Variants in SEMA3D observed in about 807,000 individuals in gnomAD.
SEMA3D encodes semaphorin 3D, also known as semaphorin-3D.
Under a neutral mutation model 100.1 loss-of-function variants are expected in SEMA3D, and 84 were observed. The observed-to-expected ratio is 0.84, with a 90% CI of 0.70 to 1.01. SEMA3D has a LOEUF of 1.01. SEMA3D is among the 50% of genes least tolerant of loss of function. The pLI, the probability that SEMA3D is intolerant of heterozygous loss-of-function variation, is 0.00. For missense variants in SEMA3D, 875 were observed against 934.1 expected (o/e 0.94, Z 0.82); for synonymous variants, 312 against 320.7 (o/e 0.97, Z 0.29).
chr7:85,183,443 C>T (rs191144084), intron 1 of SEMA3D, among the ~76,000 whole-genome samples: 5 of 152,212 alleles, frequency 3.3e-5, no homozygotes, highest in Admixed American at 1.3e-4. Context: ...ACCTGAAGTC[C>T]GGTCTGTTAG....
intron 2 of SEMA3D, chr7:85,151,728 T>A: frequency 1.0e-6 from 1 of 959,630 alleles, no homozygotes; most frequent in Non-Finnish European, 1.2e-6. Context: ...TTTGTGGTAA[T>A]ATTTTCTGTT....
At chr7:85,195,835 T>G in the SEMA3D span, among the ~76,000 whole-genome samples, 1 of 152,220 alleles carries the variant, frequency 6.6e-6, no homozygotes, top group African/African-American at 2.4e-5. Flanking sequence ...TTTGAGATAC[T>G]GCTAGGCATT....
intron 2 of SEMA3D, among the ~76,000 whole-genome samples, chr7:85,148,583 G>A (rs1790279527): frequency 1.3e-5 from 2 of 152,140 alleles, no homozygotes; most frequent in Non-Finnish European, 2.9e-5. Context: ...CGAAAAATTA[G>A]TTCAAACCTC....
At chr7:85,236,221 T>C in the SEMA3D span, among the ~76,000 whole-genome samples, 1 of 151,846 alleles carries the variant, frequency 6.6e-6, no homozygotes, top group Non-Finnish European at 1.5e-5. Flanking sequence ...TGTAGGTCAT[T>C]ATATTTATTA....
chr7:85,044,796 T>G (rs1790961340), intron 9 of SEMA3D, among the ~76,000 whole-genome samples: 1 of 152,072 alleles, frequency 6.6e-6, no homozygotes, highest in Non-Finnish European at 1.5e-5. Flanking sequence ...ATATTGTCAC[T>G]GACACTGTTT....
At chr7:85,143,765 A>C (rs1790122323) in intron 2 of SEMA3D, among the ~76,000 whole-genome samples, 1 of 150,626 alleles carries the variant, frequency 6.6e-6, no homozygotes, top group Non-Finnish European at 1.5e-5. Context: ...TCTATCACCC[A>C]GGCTGTAGTG....
intron 15 of SEMA3D, among the ~76,000 whole-genome samples, chr7:85,016,754 G>A (rs1008452472): frequency 2.1e-5 from 3 of 146,088 alleles, no homozygotes; most frequent in African/African-American, 7.6e-5. Context: ...AATCATAAAT[G>A]TATTTTTGTT....
chr7:85,056,911 A>ATATATG, intron 8 of SEMA3D, among the ~76,000 whole-genome samples: 1 of 147,582 alleles, frequency 6.8e-6, no homozygotes, highest in East Asian at 2.0e-4. Flanking sequence ...ATATATATAT[A>ATATATG]TATGTATAGC....
chr7:85,222,754 G>A, the SEMA3D span, among the ~76,000 whole-genome samples: 2 of 152,016 alleles, frequency 1.3e-5, no homozygotes, highest in African/African-American at 4.8e-5. Flanking sequence ...CCTCAGCCAG[G>A]ACCTAGGAGA....
intron 4 of SEMA3D, among the ~76,000 whole-genome samples, chr7:85,093,645 G>A (rs191782035): frequency 4.0e-5 from 6 of 151,856 alleles, no homozygotes; most frequent in Non-Finnish European, 1.5e-5. Flanking sequence ...TCTATTCCAC[G>A]CTAATTGATA....
intron 4 of SEMA3D, among the ~76,000 whole-genome samples, chr7:85,086,807 C>T (rs1274329937): frequency 6.6e-6 from 1 of 152,006 alleles, no homozygotes; most frequent in African/African-American, 2.4e-5. Context: ...GAAGTTCCAG[C>T]ATTGTTGTAC....
chr7:85,150,712 T>C (rs927198745), intron 2 of SEMA3D, among the ~76,000 whole-genome samples: 8 of 151,856 alleles, frequency 5.3e-5, no homozygotes, highest in African/African-American at 1.9e-4. Context: ...TAGAAGATTA[T>C]AGTCATCGCA....
chr7:85,250,180 C>T, the SEMA3D span, among the ~76,000 whole-genome samples: 43 of 150,940 alleles, frequency 2.8e-4, no homozygotes, highest in Non-Finnish European at 5.9e-4. Context: ...AATGGCGCAC[C>T]ACGAGATTAT....
chr7:85,142,167 G>A lies in SEMA3D; in HGVS notation c.-41+11441C>T, dbSNP rs569381662. 6.9e-5 allele frequency: 68 copies of A among 984,376 alleles called. No homozygotes were observed. In the African/African-American group the frequency reaches 1.0e-3, roughly 15 times the overall value. The allele number at this position is 984,376 out of a possible 1,614,324, so 61.0% of individuals were successfully genotyped here. A position where few individuals can be genotyped will look rare whatever the true frequency, so the allele number is the denominator to read the frequency against. On this transcript the variant is annotated intron_variant, in intron 2 of 18. Coordinates refer to ENST00000284136, the MANE Select transcript of SEMA3D (RefSeq NM_001384900.1). Reference sequence around the variant, plus strand: ...TCAACATTGCTGAAAAGGACAATTCGCTCAGTGTCTCTTACCAATTTCTAA... The same window carrying A: ...TCAACATTGCTGAAAAGGACAATTCACTCAGTGTCTCTTACCAATTTCTAA...
chr7:85,182,990 G>T (rs931948927), intron 1 of SEMA3D, among the ~76,000 whole-genome samples: 1 of 152,068 alleles, frequency 6.6e-6, no homozygotes, highest in South Asian at 2.1e-4. Context: ...GTATTGAACC[G>T]CCCAGACAGA....
intron 12 of SEMA3D, among the ~76,000 whole-genome samples, chr7:85,036,309 C>T (rs1419368929): frequency 6.6e-6 from 1 of 151,896 alleles, no homozygotes. Flanking sequence ...AAAATACATT[C>T]TTACTTACAT....
At chr7:85,188,141 G>A (rs958018010), upstream of SEMA3D, among the ~76,000 whole-genome samples, 6 of 152,182 alleles carry the variant, frequency 3.9e-5, no homozygotes, top group African/African-American at 1.4e-4. Context: ...TGAAAGGGGT[G>A]GAAGACATTC....
rs570865060 is a variant in SEMA3D, at chr7:85,135,462, A to G, written c.-40-13531T>C. Among the ~76,000 whole-genome samples, 133 of 151,720 alleles carry G rather than the reference A, an allele frequency of 8.8e-4. 1 individual carries two copies. Among genetic ancestry groups the G allele is most frequent in the African/African-American group, 3.1e-3 (127 of 41,386 alleles). On this transcript the variant is annotated intron_variant, in intron 2 of 18. Coordinates refer to ENST00000284136, the MANE Select transcript of SEMA3D (RefSeq NM_001384900.1). ...TAGGTGGGAACTGAACAATGAGAAC[A>G]CTTGAACACAGGAAGGGGAACATAA...
At chr7:85,014,212 T>G (rs1423455017) in intron 16 of SEMA3D, among the ~76,000 whole-genome samples, 1 of 151,754 alleles carries the variant, frequency 6.6e-6, no homozygotes, top group Non-Finnish European at 1.5e-5. Context: ...GCCTGTTAGT[T>G]TAAAAACAGA....
Sources: allele counts gnomAD v4.1 joint callset (sites outside exome capture counted in the v4.1 genomes callset), GRCh38; gene constraint gnomAD v4.1.1; transcripts MANE v1.5; gene names NCBI Gene and HGNC (gene_info 2026-07-23, HGNC 2026-07-21).